Variants in WDPCP observed in about 807,000 individuals in gnomAD.
WDPCP encodes WD repeat containing planar cell polarity effector, also known as WD repeat-containing and planar cell polarity effector protein fritz homolog.
WDPCP carries 71 observed loss-of-function variants against 93.1 expected under a neutral mutation model. The observed-to-expected ratio is 0.76, with a 90% CI of 0.63 to 0.93. The LOEUF (loss-of-function observed/expected upper bound fraction) is 0.93. Ranked by LOEUF, WDPCP falls within the 40% of genes least tolerant of loss-of-function variation. WDPCP has a pLI of 0.00. For missense variants in WDPCP, 844 were observed against 887.4 expected (o/e 0.95, Z 0.62); for synonymous variants, 315 against 315.0 (o/e 1.00, Z 0.00).
At chr2:63,652,614 A>G (rs1455979490) in intron 2 of WDPCP, among the ~76,000 whole-genome samples, 2 of 152,198 alleles carry the variant, frequency 1.3e-5, no homozygotes, top group Admixed American at 1.3e-4. Context: ...AGGCTTGATC[A>G]CTTCTAAAAT....
At chr2:63,379,961 T>G (rs1692164404) in intron 11 of WDPCP, among the ~76,000 whole-genome samples, 1 of 152,182 alleles carries the variant, frequency 6.6e-6, no homozygotes, top group Non-Finnish European at 1.5e-5. Context: ...TACAAGCTTT[T>G]TATTTCCCTA....
chr2:63,198,307 A>G (rs1204882358), intron 14 of WDPCP, among the ~76,000 whole-genome samples: 1 of 152,218 alleles, frequency 6.6e-6, no homozygotes, highest in Non-Finnish European at 1.5e-5. Flanking sequence ...AATTTTAATT[A>G]AAGAGTTTTT....
chr2:63,614,739 C>A (rs79164218), intron 3 of WDPCP, among the ~76,000 whole-genome samples: 3,400 of 152,276 alleles, frequency 0.022, 60 homozygotes, highest in Non-Finnish European at 0.031. Context: ...GAACCTCATT[C>A]CATAGGAATT....
chr2:63,694,794 G>C (rs534926888), intron 2 of WDPCP, among the ~76,000 whole-genome samples: 6 of 152,088 alleles, frequency 3.9e-5, no homozygotes, highest in Non-Finnish European at 7.4e-5. Context: ...TTGTTGGAGA[G>C]GAAAATGTGG....
At chr2:63,198,482 GTAAGT>G (rs1675633146) in intron 14 of WDPCP, among the ~76,000 whole-genome samples, 1 of 152,128 alleles carries the variant, frequency 6.6e-6, no homozygotes, top group Non-Finnish European at 1.5e-5. Flanking sequence ...TGTTAAATTT[GTAAGT>G]TAACTTTGGG....
At chr2:63,794,447 G>A (rs1435753431) in intron 2 of WDPCP, among the ~76,000 whole-genome samples, 1 of 152,142 alleles carries the variant, frequency 6.6e-6, no homozygotes, top group Non-Finnish European at 1.5e-5. Context: ...CAGTATCTAG[G>A]CCAATGAGCC....
chr2:63,190,878 C>A (rs1292588157), intron 14 of WDPCP, among the ~76,000 whole-genome samples: 2 of 152,036 alleles, frequency 1.3e-5, no homozygotes, highest in Non-Finnish European at 2.9e-5. Flanking sequence ...TTTATAATCA[C>A]CTTTGTGTTC....
At chr2:63,280,201 C>G (rs1403053289) in intron 13 of WDPCP, among the ~76,000 whole-genome samples, 1 of 152,012 alleles carries the variant, frequency 6.6e-6, no homozygotes, top group Non-Finnish European at 1.5e-5. Flanking sequence ...AAAGTGGGAA[C>G]AAAAAGAAGT....
chr2:63,826,154 C>T (rs141213252), intron 1 of WDPCP, among the ~76,000 whole-genome samples: 52 of 152,136 alleles, frequency 3.4e-4, no homozygotes, highest in African/African-American at 1.2e-3. Flanking sequence ...TAGTCACTTA[C>T]GTACCAAAAA....
At chr2:63,393,932 T>C (rs1412545492) in intron 10 of WDPCP, among the ~76,000 whole-genome samples, 1 of 152,152 alleles carries the variant, frequency 6.6e-6, no homozygotes, top group African/African-American at 2.4e-5. Context: ...AAAGATGGAT[T>C]AAAGACTTAA....
rs763299856 is a variant in WDPCP at position 63,174,834 on chromosome 2, T to A, written c.1916-2A>T. 1 of 1,613,660 alleles carries A rather than the reference T, an allele frequency of 6.2e-7. No homozygotes were observed. On this transcript the variant is annotated splice_acceptor_variant, in intron 14 of 17. Transcript: ENST00000272321. LOFTEE classifies it high-confidence loss of function. ...CTCTGTCCAAGGGTCCCAGGAGTTC[T>A]GTTGAAAATGATTAATATGTGAGTG...
chr2:63,346,753 C>G (rs753763829), intron 12 of WDPCP, among the ~76,000 whole-genome samples: 7 of 152,200 alleles, frequency 4.6e-5, no homozygotes, highest in Admixed American at 6.5e-5. Flanking sequence ...CAAATTCAAG[C>G]TGCCTCATCT....
intron 2 of WDPCP, among the ~76,000 whole-genome samples, chr2:63,749,189 G>A (rs1034858789): frequency 2.0e-5 from 3 of 152,054 alleles, no homozygotes; most frequent in Non-Finnish European, 4.4e-5. Flanking sequence ...TAAGGGATGA[G>A]CTAATAAATT....
intron 14 of WDPCP, among the ~76,000 whole-genome samples, chr2:63,189,570 C>CTACA (rs1377219444): frequency 6.6e-6 from 1 of 152,144 alleles, no homozygotes; most frequent in Non-Finnish European, 1.5e-5. Flanking sequence ...GTATATAGAT[C>CTACA]TACATAGATA....
intron 2 of WDPCP, among the ~76,000 whole-genome samples, chr2:63,671,945 C>G (rs932888200): frequency 1.3e-5 from 2 of 152,086 alleles, no homozygotes; most frequent in Admixed American, 1.3e-4. Flanking sequence ...AGTTTTCTGG[C>G]TTTGTCAGTG....
chr2:63,159,039 C>G (rs2103876002), intron 15 of WDPCP, among the ~76,000 whole-genome samples: 1 of 150,582 alleles, frequency 6.6e-6, no homozygotes. Flanking sequence ...CCCTGTAGTC[C>G]CAGCTCTTTG....
intron 12 of WDPCP, among the ~76,000 whole-genome samples, chr2:63,321,783 G>T (rs1307877714): frequency 4.6e-5 from 7 of 151,932 alleles, no homozygotes; most frequent in Non-Finnish European, 7.4e-5. Flanking sequence ...TTAAAAAATT[G>T]TTTTGATTTC....
At chr2:63,134,051 G>A (rs942328733) in intron 17 of WDPCP, among the ~76,000 whole-genome samples, 3 of 152,166 alleles carry the variant, frequency 2.0e-5, no homozygotes, top group East Asian at 3.9e-4. Flanking sequence ...TTTTGCTGAT[G>A]TCATTCTTCC....
intron 2 of WDPCP, among the ~76,000 whole-genome samples, chr2:63,755,490 G>C (rs1005499409): frequency 1.3e-5 from 2 of 152,202 alleles, no homozygotes; most frequent in South Asian, 4.1e-4. Flanking sequence ...TGCTACAATT[G>C]GGAAAATGAA....
Sources: gnomAD v4.1 joint callset for allele counts (sites outside exome capture counted in the v4.1 genomes callset) on GRCh38, gnomAD v4.1.1 for gene constraint, MANE v1.5 for transcripts, NCBI Gene and HGNC (gene_info 2026-07-23, HGNC 2026-07-21) for gene names.